Variants in DNAH8 observed in about 807,000 individuals in gnomAD.
DNAH8 encodes the protein dynein axonemal heavy chain 8.
In DNAH8, 382 loss-of-function variants were observed where a neutral mutation model predicts 562.1. The ratio of observed to expected loss-of-function variants is 0.68; its 90% confidence interval spans 0.63 to 0.74. DNAH8 has a LOEUF of 0.74. Ranked by LOEUF, DNAH8 falls within the 30% of genes least tolerant of loss-of-function variation. The probability of loss-of-function intolerance (pLI) is 0.00; values close to 1 mark genes in which losing one functional copy is unlikely to be tolerated. For synonymous variants in DNAH8, 1,881 were observed against 1,919.4 expected (o/e 0.98, Z 0.52); for missense variants, 5,203 against 5,620.4 (o/e 0.93, Z 2.37).
intron 47 of DNAH8, 44 bp downstream of exon 47, chr6:38,866,920 T>C (rs1373688803): frequency 1.6e-6 from 2 of 1,220,620 alleles, no homozygotes. Flanking sequence ...AGTATTTGGT[T>C]TTTTTGCTTT....
At chr6:38,936,606 T>A (rs1225761855) in intron 77 of DNAH8, among the ~76,000 whole-genome samples, 1 of 152,144 alleles carries the variant, frequency 6.6e-6, no homozygotes. Flanking sequence ...AAAAGTCCTT[T>A]TATCTGCCTA....
intron 21 of DNAH8, among the ~76,000 whole-genome samples, chr6:38,794,654 G>A (rs535667889): frequency 3.3e-5 from 5 of 152,240 alleles, no homozygotes; most frequent in South Asian, 2.1e-4. Context: ...ATGGAATGGT[G>A]CAGAATATAT....
chr6:38,910,991 T>G (rs181927272), intron 65 of DNAH8, among the ~76,000 whole-genome samples: 114 of 152,304 alleles, frequency 7.5e-4, no homozygotes, highest in African/African-American at 2.6e-3. Context: ...TTGGGAGACA[T>G]TGGTTTTTGC....
At chr6:38,940,653 A>G (rs1306527928) in intron 79 of DNAH8, among the ~76,000 whole-genome samples, 1 of 152,182 alleles carries the variant, frequency 6.6e-6, no homozygotes, top group Non-Finnish European at 1.5e-5. Context: ...CAAGTGACAC[A>G]TGTCACTTAC....
At chr6:38,937,909 G>A in intron 77 of DNAH8, 65 bp from the exon 78 acceptor site, 1 of 1,496,346 alleles carries the variant, frequency 6.7e-7, no homozygotes, top group Non-Finnish European at 9.1e-7. Context: ...TTTTTCAGAA[G>A]AGATGTATCT....
chr6:38,822,733 A>C, intron 26 of DNAH8, 105 bp from the exon 27 acceptor site: 1 of 890,374 alleles, frequency 1.1e-6, no homozygotes, highest in South Asian at 2.6e-5. Flanking sequence ...TGGAGGGAGA[A>C]TCTTTAAGAA....
chr6:38,971,128 C>T (rs1318339800), intron 82 of DNAH8, among the ~76,000 whole-genome samples: 1 of 152,190 alleles, frequency 6.6e-6, no homozygotes, highest in Admixed American at 6.5e-5. Flanking sequence ...AGACAGAAAA[C>T]ACTGTGAGCC....
chr6:38,947,123 C>G (rs1187224295), intron 80 of DNAH8, among the ~76,000 whole-genome samples: 1 of 152,128 alleles, frequency 6.6e-6, no homozygotes, highest in Non-Finnish European at 1.5e-5. Flanking sequence ...AAGTACTTGC[C>G]CAAGAGCCCA....
intron 8 of DNAH8, among the ~76,000 whole-genome samples, chr6:38,743,012 T>TGC (rs547311874): frequency 8.0e-6 from 1 of 124,476 alleles, no homozygotes; most frequent in Non-Finnish European, 1.8e-5. Flanking sequence ...TTGTGCTTTT[T>TGC]TTTTTTTTTT....
At chr6:38,785,662 G>C (rs772389905) in intron 17 of DNAH8, among the ~76,000 whole-genome samples, 1 of 151,340 alleles carries the variant, frequency 6.6e-6, no homozygotes, top group Non-Finnish European at 1.5e-5. Flanking sequence ...GCCCTGGTGT[G>C]TGCCGTTCCC....
chr6:38,822,548 AG>A, intron 26 of DNAH8: 1 of 237,420 alleles, frequency 4.2e-6, no homozygotes, highest in East Asian at 8.6e-5. Flanking sequence ...CTTTTCTTAA[AG>A]GACTTTAACA....
Position 38,862,311 on chromosome 6 carries a change from A to T in DNAH8, c.6163A>T (p.Met2055Leu), listed in dbSNP as rs1425885529. 1.9e-6 allele frequency: 3 copies of T among 1,613,968 alleles called. No individual in the cohort carries two copies. Among genetic ancestry groups the T allele is most frequent in the Non-Finnish European group, 1.7e-6 (2 of 1,179,974 alleles). Residue 2055 changes from methionine to leucine, a missense_variant, in exon 44 of 93, where the codon ATG becomes TTG. Met to Leu is a conservative substitution (Grantham distance 15). Coordinates refer to ENST00000327475, the MANE Select transcript of DNAH8 (RefSeq NM_001206927.2). ...TATCACGTTAGCTCAGGCCTTGGGC[A>T]TGAACATGGGAGGTGCTCCCGCAGG... The part of the protein sequence containing the change: ...CYITLAQALG[M>L]NMGGAPAGPA...
intron 82 of DNAH8, among the ~76,000 whole-genome samples, chr6:38,967,195 T>C (rs189269621): frequency 3.9e-5 from 6 of 152,232 alleles, no homozygotes; most frequent in Admixed American, 3.3e-4. Flanking sequence ...GGTAAAAGAC[T>C]GAATGCCTTC....
intron 79 of DNAH8, among the ~76,000 whole-genome samples, chr6:38,939,492 C>G (rs1243759008): frequency 6.6e-6 from 1 of 152,170 alleles, no homozygotes; most frequent in African/African-American, 2.4e-5. Flanking sequence ...GTAAACCCAC[C>G]ACGCTAGCTT....
At chr6:38,874,699 T>G (rs1777853557) in intron 52 of DNAH8, among the ~76,000 whole-genome samples, 1 of 152,052 alleles carries the variant, frequency 6.6e-6, no homozygotes, top group Admixed American at 6.6e-5. Context: ...CGGTTTTCCT[T>G]ATTAGTCTTT....
At chr6:38,877,369 C>T (rs1778104482) in intron 53 of DNAH8, among the ~76,000 whole-genome samples, 1 of 151,830 alleles carries the variant, frequency 6.6e-6, no homozygotes, top group South Asian at 2.1e-4. Flanking sequence ...TTCCAAGTAG[C>T]TAGGACTGGT....
chr6:39,028,435 G>T (rs1408185122), intron 92 of DNAH8, among the ~76,000 whole-genome samples: 1 of 152,084 alleles, frequency 6.6e-6, no homozygotes, highest in Non-Finnish European at 1.5e-5. Flanking sequence ...ACAATCTTTG[G>T]CTTTCCTTCA....
intron 56 of DNAH8, 29 bp downstream of exon 56, chr6:38,884,027 T>C (rs1280773234): frequency 7.1e-7 from 1 of 1,408,958 alleles, no homozygotes; most frequent in African/African-American, 1.5e-5. Context: ...ATATAGATGA[T>C]CCTGAATTTG....
chr6:38,792,082 G>C (rs1324003553), intron 21 of DNAH8, among the ~76,000 whole-genome samples: 1 of 151,960 alleles, frequency 6.6e-6, no homozygotes. Context: ...GTCCTGAGAG[G>C]CTTAGCCAGG....
Sources: gnomAD v4.1 joint callset for allele counts (sites outside exome capture counted in the v4.1 genomes callset) on GRCh38, gnomAD v4.1.1 for gene constraint, MANE v1.5 for transcripts, NCBI Gene and HGNC (gene_info 2026-07-23, HGNC 2026-07-21) for gene names.